Variants in COL26A1 observed in about 807,000 individuals in gnomAD.
COL26A1 encodes collagen alpha-1(XXVI) chain.
In COL26A1, 41 loss-of-function variants were observed where a neutral mutation model predicts 59.3. That is an observed-to-expected ratio of 0.69 (90% CI 0.54 to 0.90). The LOEUF (loss-of-function observed/expected upper bound fraction) is 0.90, where lower values mean the gene tolerates loss of function less well. Ranked by LOEUF, COL26A1 falls within the 40% of genes least tolerant of loss-of-function variation. The pLI is 0.00. For synonymous variants in COL26A1, 266 were observed against 256.0 expected (o/e 1.04, Z -0.37); for missense variants, 612 against 602.3 (o/e 1.02, Z -0.17).
chr7:101,523,720 A>T (rs963866917), intron 3 of COL26A1, among the ~76,000 whole-genome samples: 1 of 152,186 alleles, frequency 6.6e-6, no homozygotes, highest in Admixed American at 6.5e-5. Context: ...CTAACTTTGT[A>T]CCATCCATCT....
At chr7:101,540,597 A>C (rs977765364) in intron 5 of COL26A1, among the ~76,000 whole-genome samples, 6 of 151,598 alleles carry the variant, frequency 4.0e-5, no homozygotes, top group African/African-American at 1.2e-4. Flanking sequence ...TCATGCTTGT[A>C]ATCCTAGCAC....
chr7:101,501,140 C>T (rs1015512415), intron 3 of COL26A1, among the ~76,000 whole-genome samples: 2 of 134,902 alleles, frequency 1.5e-5, no homozygotes, highest in Non-Finnish European at 3.0e-5. Flanking sequence ...GAGCCAAGAT[C>T]GAGCCATTGC....
chr7:101,396,487 G>C (rs1197862054), intron 1 of COL26A1, among the ~76,000 whole-genome samples: 1 of 151,578 alleles, frequency 6.6e-6, no homozygotes, highest in Non-Finnish European at 1.5e-5. Flanking sequence ...TTTTGAGATG[G>C]AGTCTTGCTA....
At chr7:101,426,385 G>A (rs374029953) in intron 2 of COL26A1, among the ~76,000 whole-genome samples, 52 of 152,142 alleles carry the variant, frequency 3.4e-4, no homozygotes, top group African/African-American at 1.3e-3. Context: ...TGGGAGAGGC[G>A]GCCAGGTCTC....
chr7:101,454,537 G>A (rs1292178962), intron 3 of COL26A1, among the ~76,000 whole-genome samples: 3 of 152,014 alleles, frequency 2.0e-5, no homozygotes, highest in Non-Finnish European at 2.9e-5. Flanking sequence ...GGGATTACAG[G>A]GGTGAGCCAC....
chr7:101,552,300 G>T (rs1294135297), intron 10 of COL26A1, among the ~76,000 whole-genome samples: 3 of 152,196 alleles, frequency 2.0e-5, no homozygotes, highest in Admixed American at 2.0e-4. Context: ...CACAGTAGTA[G>T]CTGGACATTT....
intron 12 of COL26A1, 58 bp from the exon 13 acceptor site, chr7:101,557,312 G>A (rs754058319): frequency 2.0e-5 from 31 of 1,531,688 alleles, no homozygotes; most frequent in South Asian, 1.9e-4. Flanking sequence ...ATGATCAAAT[G>A]TACCCCCAAG....
chr7:101,530,843 G>A (rs1795351440), intron 3 of COL26A1, among the ~76,000 whole-genome samples: 1 of 152,178 alleles, frequency 6.6e-6, no homozygotes. Context: ...GCTGGCTGGT[G>A]CACCTGGCTG....
chr7:101,515,704 T>G (rs1795014819), intron 3 of COL26A1, among the ~76,000 whole-genome samples: 1 of 151,974 alleles, frequency 6.6e-6, no homozygotes, highest in African/African-American at 2.4e-5. Context: ...TTCTCATGCC[T>G]CAGCCTCCCA....
chr7:101,486,535 G>A (rs551690433), intron 3 of COL26A1, among the ~76,000 whole-genome samples: 4 of 152,220 alleles, frequency 2.6e-5, no homozygotes, highest in Non-Finnish European at 5.9e-5. Flanking sequence ...TGGCCCTGCC[G>A]TCAGCAGCTG....
At position 101,418,994 on chromosome 7, in the gene COL26A1, TTC is replaced by T. The variant is rs148238686; in HGVS notation, c.159-965_159-964del. Among the ~76,000 whole-genome samples the T allele has an allele frequency of 2.8e-3, 410 of 146,738 alleles. 1 individual carries two copies. The highest frequency in any genetic ancestry group is 6.5e-3 in the African/African-American group (260 of 40,094). ...TTCAGCCTTCTGGCTCTTTCTTTCT[TTC>T]TCTCTCTCTCTCTCTCTGGCTCTTT... On this transcript the variant is annotated intron_variant, in intron 1 of 12. Coordinates refer to ENST00000313669, the MANE Select transcript of COL26A1 (RefSeq NM_001278563.3).
intron 1 of COL26A1, among the ~76,000 whole-genome samples, chr7:101,392,560 C>G: frequency 6.6e-6 from 1 of 151,936 alleles, no homozygotes; most frequent in African/African-American, 2.4e-5. Flanking sequence ...CACCACCATA[C>G]CTGGCTAATT....
In COL26A1 at chr7:101,423,365, T is replaced by C. The variant is rs147975363; in HGVS notation, c.281+3266T>C. On this transcript the variant is annotated intron_variant, in intron 2 of 12. Transcript: ENST00000313669. Reference sequence around the variant, plus strand: ...GAATCACTGACCTGGACTGAAAATTTTTCAAGTGATCATTAATGTTGCATA... The same window carrying C: ...GAATCACTGACCTGGACTGAAAATTCTTCAAGTGATCATTAATGTTGCATA... Among the ~76,000 whole-genome samples, 983 of 152,318 alleles carry C rather than the reference T, an allele frequency of 6.5e-3. 9 individuals carry two copies. Among genetic ancestry groups the C allele is most frequent in the African/African-American group, 0.023 (949 of 41,570 alleles).
rs973710561 is a variant in COL26A1 at position 101,447,768 on chromosome 7, C to T, written c.366C>T (p.Thr122=). ...VLEWRCCPGF[T]GSNCDEECMN... Reference sequence around the variant, plus strand: ...AGTGGAGATGCTGCCCTGGCTTCACCGGGAGCAACTGTGATGAGGGTAAGT... The same window carrying T: ...AGTGGAGATGCTGCCCTGGCTTCACTGGGAGCAACTGTGATGAGGGTAAGT... Residue 122 remains threonine, a synonymous_variant, in exon 3 of 13, where the codon ACC becomes ACT. Coordinates refer to ENST00000313669, the MANE Select transcript of COL26A1 (RefSeq NM_001278563.3). The T allele has an allele frequency of 8.7e-6, 14 of 1,601,942 alleles. No individual in the cohort carries two copies. Among genetic ancestry groups the T allele is most frequent in the East Asian group, 2.3e-5 (1 of 44,416 alleles).
At chr7:101,371,647 T>C (rs12671124) in intron 1 of COL26A1, among the ~76,000 whole-genome samples, 87,776 of 151,330 alleles carry the variant, frequency 0.58, 26,982 homozygotes, top group African/African-American at 0.8. Context: ...AAAAAATTAG[T>C]TGGGCATGGT....
At chr7:101,417,460 T>A (rs1280355768) in intron 1 of COL26A1, among the ~76,000 whole-genome samples, 1 of 150,454 alleles carries the variant, frequency 6.6e-6, no homozygotes, top group Non-Finnish European at 1.5e-5. Flanking sequence ...CCTGTGACCA[T>A]ACCTACCTTA....
intron 1 of COL26A1, among the ~76,000 whole-genome samples, chr7:101,364,059 A>C (rs1006815139): frequency 1.3e-5 from 2 of 151,844 alleles, no homozygotes; most frequent in Admixed American, 1.3e-4. Flanking sequence ...GCGCAGGGTC[A>C]CCGGGCCCGG....
chr7:101,430,069 C>T (rs1411452536), intron 2 of COL26A1, among the ~76,000 whole-genome samples: 2 of 152,136 alleles, frequency 1.3e-5, no homozygotes, highest in African/African-American at 4.8e-5. Flanking sequence ...GTCTTCCAAT[C>T]CAAGAACATG....
chr7:101,407,610 G>A (rs1471331524), intron 1 of COL26A1, among the ~76,000 whole-genome samples: 1 of 151,890 alleles, frequency 6.6e-6, no homozygotes, highest in Non-Finnish European at 1.5e-5. Context: ...CACAGGGAGA[G>A]TCCTCAGTGA....
Sources: allele counts gnomAD v4.1 joint callset (sites outside exome capture counted in the v4.1 genomes callset), GRCh38; gene constraint gnomAD v4.1.1; transcripts MANE v1.5; gene names NCBI Gene and HGNC (gene_info 2026-07-23, HGNC 2026-07-21).